Variants in ENOX1 observed in about 807,000 individuals in gnomAD.
ENOX1 encodes ecto-NOX disulfide-thiol exchanger 1.
Under a neutral mutation model 82.5 loss-of-function variants are expected in ENOX1, and 42 were observed. The observed-to-expected ratio is 0.51, with a 90% confidence interval of 0.40 to 0.66. The LOEUF (loss-of-function observed/expected upper bound fraction) is 0.66, where lower values mean the gene tolerates loss of function less well. Among genes scored for constraint, ENOX1 ranks in the 30% least tolerant of loss-of-function variants. The probability of loss-of-function intolerance (pLI) is 0.00; values close to 1 mark genes in which losing one functional copy is unlikely to be tolerated. For missense variants in ENOX1, 608 were observed against 811.6 expected, an observed-to-expected ratio of 0.75 and a Z score of 3.05; for synonymous variants, 271 against 282.2, an observed-to-expected ratio of 0.96 and a Z score of 0.40.
intron 2 of ENOX1, among the ~76,000 whole-genome samples, chr13:43,524,671 A>G (rs2077915218): frequency 1.3e-5 from 2 of 152,014 alleles, no homozygotes; most frequent in South Asian, 4.1e-4. Context: ...TCTGCCTGGA[A>G]TGCTCTTCCC....
At chr13:43,421,060 T>G (rs558430488) in intron 3 of ENOX1, among the ~76,000 whole-genome samples, 1 of 152,288 alleles carries the variant, frequency 6.6e-6, no homozygotes, top group African/African-American at 2.4e-5. Flanking sequence ...AAATAACACT[T>G]AAAAGCTCTT....
At chr13:43,476,330 A>T (rs115791768) in intron 3 of ENOX1, among the ~76,000 whole-genome samples, 2,423 of 152,230 alleles carry the variant, frequency 0.016, 59 homozygotes, top group African/African-American at 0.055. Context: ...ACTAAACAAC[A>T]TTTAACTTGA....
chr13:43,256,041 T>C (rs919455961), intron 14 of ENOX1, among the ~76,000 whole-genome samples: 1 of 152,102 alleles, frequency 6.6e-6, no homozygotes, highest in Non-Finnish European at 1.5e-5. Flanking sequence ...AACAAAGGTG[T>C]CAAAAACATA....
chr13:43,268,151 T>C (rs3783045), intron 13 of ENOX1, among the ~76,000 whole-genome samples: 25,818 of 152,086 alleles, frequency 0.17, 2,850 homozygotes, highest in East Asian at 0.6. Context: ...CTCCCCACTC[T>C]AGTCAAAGCT....
chr13:43,532,472 T>C (rs1374435418), intron 2 of ENOX1, among the ~76,000 whole-genome samples: 2 of 152,170 alleles, frequency 1.3e-5, no homozygotes, highest in African/African-American at 4.8e-5. Context: ...TTTTGCCTTT[T>C]TTACTGTGTT....
At chr13:43,577,684 A>C (rs2080507016) in intron 2 of ENOX1, among the ~76,000 whole-genome samples, 1 of 152,156 alleles carries the variant, frequency 6.6e-6, no homozygotes, top group South Asian at 2.1e-4. Context: ...TCACAATACT[A>C]CTGCTCTGGG....
At chr13:43,328,174 C>T (rs2048222501) in intron 9 of ENOX1, among the ~76,000 whole-genome samples, 2 of 152,192 alleles carry the variant, frequency 1.3e-5, no homozygotes, top group African/African-American at 2.4e-5. Flanking sequence ...GACCACTGAT[C>T]CTTAGTGCTC....
intron 1 of ENOX1, among the ~76,000 whole-genome samples, chr13:43,672,341 A>G (rs2085307128): frequency 6.6e-6 from 1 of 152,168 alleles, no homozygotes; most frequent in Non-Finnish European, 1.5e-5. Flanking sequence ...GCCTTGGTAA[A>G]TCTCTCCTAC....
In ENOX1 at chr13:43,322,457, G is replaced by A. The variant is rs185833367; in HGVS notation, c.1188C>T (p.Arg396=). 31 of 1,613,910 alleles carry A rather than the reference G, an allele frequency of 1.9e-5. No individual in the cohort carries two copies. Among genetic ancestry groups the A allele is most frequent in the South Asian group, 1.2e-4 (11 of 91,054 alleles). ...AQSEQLMGIR[R]EEEMEMSDDE... ...CATCAGACATTTCCATTTCTTCTTC[G>A]CGGCGGATGCCCATGAGCTGCTCAC... The change falls in exon 11 of 17, where the codon CGC becomes CGT. Residue 396 remains arginine, a synonymous_variant. Coordinates refer to ENST00000690772, the MANE Select transcript of ENOX1 (RefSeq NM_001347969.2).
intron 2 of ENOX1, among the ~76,000 whole-genome samples, chr13:43,659,275 G>A (rs2084600177): frequency 6.6e-6 from 1 of 152,006 alleles, no homozygotes; most frequent in Non-Finnish European, 1.5e-5. Flanking sequence ...GATCATTTGA[G>A]GCAAGGAGTT....
intron 1 of ENOX1, among the ~76,000 whole-genome samples, chr13:43,728,484 G>T (rs569799270): frequency 6.6e-6 from 1 of 152,068 alleles, no homozygotes; most frequent in Non-Finnish European, 1.5e-5. Context: ...CATCTCTCTG[G>T]CATTTAATAC....
At chr13:43,442,471 C>A (rs774790291) in intron 3 of ENOX1, among the ~76,000 whole-genome samples, 2 of 152,140 alleles carry the variant, frequency 1.3e-5, no homozygotes, top group Non-Finnish European at 2.9e-5. Flanking sequence ...GCAGCAGTGA[C>A]CCTGCATTCT....
rs571045842 is a variant in ENOX1 at position 43,266,494 on chromosome 13, A to G, written c.1555-1040T>C. 7.9e-5 allele frequency among the ~76,000 whole-genome samples: 12 copies of G among 152,292 alleles called. No individual in the cohort carries two copies. The South Asian group carries it at 2.1e-3, about 26-fold the overall frequency. On this transcript the variant is annotated intron_variant, in intron 13 of 16. Transcript: ENST00000690772. ...GGGGTTTTGCCAAAGGAATGGTAAC[A>G]TGAAGAAATTGAGGATCAGGTAGTT... is the stretch of plus-strand genomic sequence containing the variant.
chr13:43,428,133 A>T (rs1355781644), intron 3 of ENOX1, among the ~76,000 whole-genome samples: 3 of 152,200 alleles, frequency 2.0e-5, no homozygotes, highest in African/African-American at 7.2e-5. Flanking sequence ...TCAGTTTTAG[A>T]AGTAGGCAAG....
At position 43,222,511 on chromosome 13, in the gene ENOX1, G is replaced by C. The variant is rs1437244761; in HGVS notation, c.1800+1542C>G. ...TTCTTTGATAAACGACAAGTGGATTGTTGGCCATTTTAGCTCCTACTAAAA... is the reference window on the plus strand; with the variant it reads ...TTCTTTGATAAACGACAAGTGGATTCTTGGCCATTTTAGCTCCTACTAAAA... On this transcript the variant is annotated intron_variant, in intron 16 of 16. Transcript: ENST00000690772. Among the ~76,000 whole-genome samples, 3 of 152,166 alleles carry C rather than the reference G, an allele frequency of 2.0e-5. No individual in the cohort carries two copies. The East Asian group carries it at 5.8e-4, about 29-fold the overall frequency.
At chr13:43,257,696 A>G (rs2043828214) in intron 14 of ENOX1, among the ~76,000 whole-genome samples, 1 of 152,228 alleles carries the variant, frequency 6.6e-6, no homozygotes, top group Non-Finnish European at 1.5e-5. Flanking sequence ...GTATTTATGC[A>G]TATTTATATG....
chr13:43,455,742 G>A (rs1488710876), intron 3 of ENOX1, among the ~76,000 whole-genome samples: 2 of 152,046 alleles, frequency 1.3e-5, no homozygotes, highest in Non-Finnish European at 2.9e-5. Context: ...CATGGGGGGT[G>A]GTTTCCTCCA....
intron 9 of ENOX1, among the ~76,000 whole-genome samples, chr13:43,338,022 T>G (rs1468388999): frequency 6.6e-6 from 1 of 152,236 alleles, no homozygotes; most frequent in African/African-American, 2.4e-5. Flanking sequence ...TGCTGCTGGC[T>G]TTCCCATTTG....
chr13:43,298,008 G>A (rs1432001845), intron 12 of ENOX1, among the ~76,000 whole-genome samples: 2 of 152,232 alleles, frequency 1.3e-5, no homozygotes, highest in Non-Finnish European at 2.9e-5. Context: ...GAAGTTAAAA[G>A]TTCTAAGATT....
Sources: allele counts gnomAD v4.1 joint callset (sites outside exome capture counted in the v4.1 genomes callset), GRCh38; gene constraint gnomAD v4.1.1; transcripts MANE v1.5; gene names NCBI Gene and HGNC (gene_info 2026-07-23, HGNC 2026-07-21).